The following GRM7 variants were observed in gnomAD, a reference collection of about 807,000 sequenced individuals.
The protein encoded by GRM7 is glutamate metabotropic receptor 7, also known as metabotropic glutamate receptor 7.
Under a neutral mutation model 84.5 loss-of-function variants are expected in GRM7, and 35 were observed. The ratio of observed to expected loss-of-function variants is 0.41; its 90% CI spans 0.32 to 0.55. The LOEUF (loss-of-function observed/expected upper bound fraction) is 0.55. Ranked by LOEUF, GRM7 falls within the 20% of genes least tolerant of loss-of-function variation. The pLI is 0.19. For missense variants in GRM7, 1,003 were observed against 1,194.6 expected (o/e 0.84, Z 2.36); for synonymous variants, 487 against 455.1 (o/e 1.07, Z -0.89).
intron 1 of GRM7, among the ~76,000 whole-genome samples, chr3:6,868,662 A>G (rs1354347344): frequency 6.6e-6 from 1 of 152,166 alleles, no homozygotes; most frequent in Non-Finnish European, 1.5e-5. Flanking sequence ...ACAAACCTCA[A>G]GTAGGGAAAT....
At chr3:6,903,732 AT>A (rs1245549449) in intron 1 of GRM7, among the ~76,000 whole-genome samples, 2 of 152,156 alleles carry the variant, frequency 1.3e-5, no homozygotes, top group Admixed American at 6.5e-5. Context: ...TAGCTTCACC[AT>A]TTATCTCTCA....
chr3:7,616,631 T>A (rs1553625417), intron 8 of GRM7, among the ~76,000 whole-genome samples: 1 of 152,196 alleles, frequency 6.6e-6, no homozygotes, highest in Non-Finnish European at 1.5e-5. Flanking sequence ...TTTGCTTTTT[T>A]AAAACAATCA....
At chr3:7,554,412 A>G (rs761023794) in intron 7 of GRM7, among the ~76,000 whole-genome samples, 2 of 152,194 alleles carry the variant, frequency 1.3e-5, no homozygotes, top group Non-Finnish European at 2.9e-5. Flanking sequence ...CTATGGTGGT[A>G]GATGAAACAG....
chr3:7,691,310 A>T (rs1700792631), intron 9 of GRM7: 2 of 1,241,566 alleles, frequency 1.6e-6, no homozygotes, highest in Non-Finnish European at 2.1e-6. Context: ...CATGACATGG[A>T]TCAGCAACTC....
chr3:7,469,523 A>C (rs1034894365), intron 7 of GRM7, among the ~76,000 whole-genome samples: 11 of 152,228 alleles, frequency 7.2e-5, no homozygotes, highest in African/African-American at 2.7e-4. Flanking sequence ...TTTATTTGCT[A>C]AAGTTAAAGT....
At chr3:7,465,503 G>T (rs549958603) in intron 7 of GRM7, among the ~76,000 whole-genome samples, 3 of 152,090 alleles carry the variant, frequency 2.0e-5, no homozygotes, top group Non-Finnish European at 4.4e-5. Context: ...CCACAGCCCA[G>T]TTGCCCTATC....
chr3:7,643,881 T>C (rs539491491), intron 8 of GRM7, among the ~76,000 whole-genome samples: 38 of 152,142 alleles, frequency 2.5e-4, no homozygotes, highest in African/African-American at 8.9e-4. Flanking sequence ...TCCCTTAACA[T>C]GTCTTTTGTA....
intron 4 of GRM7, among the ~76,000 whole-genome samples, chr3:7,346,372 GT>G (rs1269115162): frequency 1.5e-4 from 23 of 152,096 alleles, no homozygotes; most frequent in African/African-American, 5.1e-4. Context: ...AGGTCTTCAT[GT>G]TTTCAGCCTG....
At chr3:7,242,783 G>A (rs1234800411) in intron 2 of GRM7, among the ~76,000 whole-genome samples, 1 of 152,106 alleles carries the variant, frequency 6.6e-6, no homozygotes, top group Non-Finnish European at 1.5e-5. Context: ...CCAGAGCTGT[G>A]TGTTAAGTGT....
intron 2 of GRM7, among the ~76,000 whole-genome samples, chr3:7,228,361 T>G (rs1348532819): frequency 2.0e-5 from 3 of 151,936 alleles, no homozygotes; most frequent in African/African-American, 7.2e-5. Flanking sequence ...ATAGCATTAA[T>G]GAAAATCAAA....
chr3:6,964,258 C>T (rs1193253185), intron 1 of GRM7, among the ~76,000 whole-genome samples: 1 of 152,034 alleles, frequency 6.6e-6, no homozygotes, highest in East Asian at 1.9e-4. Flanking sequence ...GTCTAGAAGT[C>T]CCAGATTAGA....
chr3:6,883,838 T>A (rs1371973098), intron 1 of GRM7, among the ~76,000 whole-genome samples: 3 of 152,128 alleles, frequency 2.0e-5, no homozygotes, highest in African/African-American at 7.2e-5. Context: ...CCAGCCAACA[T>A]GTGTTGTCAA....
chr3:7,182,355 T>C (rs1178680959), intron 2 of GRM7, among the ~76,000 whole-genome samples: 1 of 152,212 alleles, frequency 6.6e-6, no homozygotes, highest in Non-Finnish European at 1.5e-5. Flanking sequence ...CTATTTTGAA[T>C]AGTTTGCAAA....
intron 7 of GRM7, among the ~76,000 whole-genome samples, chr3:7,546,384 G>A (rs1693151763): frequency 6.6e-6 from 1 of 152,210 alleles, no homozygotes; most frequent in Non-Finnish European, 1.5e-5. Flanking sequence ...AAACAATTGT[G>A]CTAGTTTCAG....
At chr3:7,066,550 A>C (rs1483731651) in intron 1 of GRM7, among the ~76,000 whole-genome samples, 3 of 151,930 alleles carry the variant, frequency 2.0e-5, no homozygotes, top group Non-Finnish European at 4.4e-5. Context: ...CCAACAACAA[A>C]AAAAGTCCAG....
At chr3:7,406,425 G>A (rs76468070) in intron 4 of GRM7, among the ~76,000 whole-genome samples, 1 of 150,958 alleles carries the variant, frequency 6.6e-6, no homozygotes, top group Non-Finnish European at 1.5e-5. Flanking sequence ...GCGTGAACCC[G>A]GGGGACGGAG....
At chr3:6,934,072 A>C (rs1575033276) in intron 1 of GRM7, among the ~76,000 whole-genome samples, 1 of 152,258 alleles carries the variant, frequency 6.6e-6, no homozygotes, top group South Asian at 2.1e-4. Context: ...GGGGAGGTTC[A>C]TTTTTCACAT....
chr3:6,913,802 A>G (rs547281134), intron 1 of GRM7, among the ~76,000 whole-genome samples: 33 of 152,300 alleles, frequency 2.2e-4, no homozygotes, highest in African/African-American at 7.7e-4. Flanking sequence ...AGCTTGATGC[A>G]ATAGATAGAT....
intron 2 of GRM7, among the ~76,000 whole-genome samples, chr3:7,276,237 G>T (rs965458303): frequency 6.6e-6 from 1 of 150,602 alleles, no homozygotes; most frequent in African/African-American, 2.5e-5. Context: ...GTGTGTGTGT[G>T]TGTGTGTGTG....
Sources: allele counts gnomAD v4.1 joint callset (sites outside exome capture counted in the v4.1 genomes callset), GRCh38; gene constraint gnomAD v4.1.1; transcripts MANE v1.5; gene names NCBI Gene and HGNC (gene_info 2026-07-23, HGNC 2026-07-21).